The following EBF1 variants were observed in gnomAD, a reference collection of about 807,000 sequenced individuals.
EBF1 encodes transcription factor COE1.
EBF1 carries 10 observed loss-of-function variants against 68.4 expected under a neutral mutation model. That is an observed-to-expected ratio of 0.15 (90% CI 0.09 to 0.25). The LOEUF (loss-of-function observed/expected upper bound fraction) is 0.25, where lower values mean the gene tolerates loss of function less well. Among genes scored for constraint, EBF1 ranks in the 10% least tolerant of loss-of-function variants. The pLI, the probability that EBF1 is intolerant of heterozygous loss-of-function variation, is 1.00. For missense variants in EBF1, 509 were observed against 794.4 expected, an observed-to-expected ratio of 0.64 and a Z score of 4.32; for synonymous variants, 298 against 299.8, an observed-to-expected ratio of 0.99 and a Z score of 0.06.
intron 6 of EBF1, among the ~76,000 whole-genome samples, chr5:159,028,454 A>G (rs575463804): frequency 1.3e-5 from 2 of 152,358 alleles, no homozygotes; most frequent in South Asian, 4.1e-4. Flanking sequence ...TTTTTCATTC[A>G]GCAAATATTT....
At chr5:159,057,321 G>T (rs191354038) in intron 6 of EBF1, among the ~76,000 whole-genome samples, 3 of 152,042 alleles carry the variant, frequency 2.0e-5, no homozygotes, top group East Asian at 3.9e-4. Flanking sequence ...TGGCCAGGCT[G>T]GTCTCGAACT....
chr5:158,741,209 A>C lies in EBF1; in HGVS notation c.1037-10052T>G, dbSNP rs188903072. Among the ~76,000 whole-genome samples the C allele has an allele frequency of 1.3e-3, 194 of 152,326 alleles. 1 individual carries two copies. The highest frequency in any genetic ancestry group is 1.8e-3 in the Non-Finnish European group (122 of 68,020). The stretch of plus-strand genomic sequence containing the variant: ...CATTTTTGATTCCATATTGGTTTTC[A>C]CGTGGCACTTTTTTTTGTAACCACA... On this transcript the variant is annotated intron_variant, in intron 10 of 15. Transcript: ENST00000313708.
In EBF1 at chr5:158,729,502, C is replaced by T. The variant is rs867975532; in HGVS notation, c.1125+1567G>A. Among the ~76,000 whole-genome samples the T allele has an allele frequency of 2.6e-5, 4 of 152,236 alleles. 1 individual carries two copies. The Middle Eastern group carries it at 0.014, about 518-fold the overall frequency. Reference sequence around the variant, plus strand: ...TTTATATCATCGTGCTATAAAATTACCAGTTGTCCCATAGGAAATGCACGG... The same window carrying T: ...TTTATATCATCGTGCTATAAAATTATCAGTTGTCCCATAGGAAATGCACGG... On this transcript the variant is annotated intron_variant, in intron 11 of 15. Transcript: ENST00000313708.
intron 15 of EBF1, chr5:158,707,625 C>T (rs1219670766): frequency 3.4e-6 from 1 of 290,416 alleles, no homozygotes. Flanking sequence ...CTAGAGTCCA[C>T]AAAAGACTGA....
At chr5:159,043,675 C>G (rs542819561) in intron 6 of EBF1, among the ~76,000 whole-genome samples, 5 of 152,206 alleles carry the variant, frequency 3.3e-5, no homozygotes, top group South Asian at 4.2e-4. Flanking sequence ...CTGGAAATAG[C>G]TTGCAATAAA....
chr5:159,057,104 C>CTTTTTTT (rs1205129627), intron 6 of EBF1, among the ~76,000 whole-genome samples: 20 of 110,650 alleles, frequency 1.8e-4, no homozygotes, highest in African/African-American at 2.6e-4. Context: ...CTTTTCTTTT[C>CTTTTTTT]TTTTTTTTTT....
chr5:159,061,913 A>C (rs1300121393), intron 6 of EBF1, among the ~76,000 whole-genome samples: 1 of 152,166 alleles, frequency 6.6e-6, no homozygotes, highest in Non-Finnish European at 1.5e-5. Flanking sequence ...AGGAGAGCTT[A>C]TTCTTTTATT....
At chr5:158,758,264 T>C (rs986442171) in intron 10 of EBF1, among the ~76,000 whole-genome samples, 1 of 152,196 alleles carries the variant, frequency 6.6e-6, no homozygotes, top group African/African-American at 2.4e-5. Flanking sequence ...AGCTCTGGGC[T>C]GATGAGAGAG....
At chr5:159,053,191 C>T (rs1383313793) in intron 6 of EBF1, among the ~76,000 whole-genome samples, 2 of 152,222 alleles carry the variant, frequency 1.3e-5, no homozygotes, top group Non-Finnish European at 2.9e-5. Flanking sequence ...CACTTAATAG[C>T]TATGTTGACG....
At chr5:158,758,887 T>C (rs1770744624) in intron 10 of EBF1, among the ~76,000 whole-genome samples, 1 of 152,180 alleles carries the variant, frequency 6.6e-6, no homozygotes, top group Non-Finnish European at 1.5e-5. Context: ...AAGGCTGAGA[T>C]AATATGTTGT....
At chr5:159,067,151 T>A (rs998565060) in intron 6 of EBF1, among the ~76,000 whole-genome samples, 1 of 150,360 alleles carries the variant, frequency 6.7e-6, no homozygotes, top group Non-Finnish European at 1.5e-5. Flanking sequence ...TTGGAGAGAG[T>A]TTTTCCCCCC....
chr5:159,012,795 A>G (rs1764927349), intron 6 of EBF1, among the ~76,000 whole-genome samples: 1 of 152,194 alleles, frequency 6.6e-6, no homozygotes, highest in Non-Finnish European at 1.5e-5. Flanking sequence ...CACTGCACCC[A>G]GCCTTGGAGA....
chr5:159,034,832 C>A (rs958441018), intron 6 of EBF1, among the ~76,000 whole-genome samples: 4 of 152,078 alleles, frequency 2.6e-5, no homozygotes, highest in Non-Finnish European at 5.9e-5. Flanking sequence ...TAATAAAAAC[C>A]AAGAGCAAGG....
chr5:158,815,145 G>A (rs1562006951), intron 8 of EBF1, among the ~76,000 whole-genome samples: 1 of 152,144 alleles, frequency 6.6e-6, no homozygotes, highest in Non-Finnish European at 1.5e-5. Flanking sequence ...TGAACCCTGG[G>A]TCTACTACTT....
chr5:158,910,968 C>A (rs1805832552), intron 6 of EBF1, among the ~76,000 whole-genome samples: 1 of 152,120 alleles, frequency 6.6e-6, no homozygotes, highest in Non-Finnish European at 1.5e-5. Flanking sequence ...AAATAAATCC[C>A]CTATATTTTA....
chr5:158,924,634 C>T (rs1435010258), intron 6 of EBF1, among the ~76,000 whole-genome samples: 1 of 152,004 alleles, frequency 6.6e-6, no homozygotes, highest in Non-Finnish European at 1.5e-5. Context: ...GGGCGGATCA[C>T]GAGGTCACGA....
At chr5:158,829,580 G>A (rs1314016784) in intron 7 of EBF1, among the ~76,000 whole-genome samples, 1 of 152,014 alleles carries the variant, frequency 6.6e-6, no homozygotes, top group African/African-American at 2.4e-5. Flanking sequence ...GGGAAACTGG[G>A]GGTTAGGGGA....
intron 6 of EBF1, among the ~76,000 whole-genome samples, chr5:158,913,657 G>A (rs1224931317): frequency 1.3e-5 from 2 of 152,178 alleles, no homozygotes; most frequent in Non-Finnish European, 2.9e-5. Flanking sequence ...AGTGGAAAGG[G>A]CCCTCGGTAT....
chr5:158,889,491 C>T (rs761252048), intron 6 of EBF1, among the ~76,000 whole-genome samples: 4 of 152,074 alleles, frequency 2.6e-5, no homozygotes, highest in African/African-American at 4.8e-5. Context: ...GGAAAAAAAC[C>T]TCAATGATGG....
Sources: allele counts gnomAD v4.1 joint callset (sites outside exome capture counted in the v4.1 genomes callset), GRCh38; gene constraint gnomAD v4.1.1; transcripts MANE v1.5; gene names NCBI Gene and HGNC (gene_info 2026-07-23, HGNC 2026-07-21).